ANO4: variants seen among roughly 807,000 people sequenced by gnomAD.
ANO4 encodes the protein anoctamin 4, also known as anoctamin-4.
Under a neutral mutation model 141.9 loss-of-function variants are expected in ANO4, and 69 were observed. That is an observed-to-expected ratio of 0.49 (90% CI 0.40 to 0.59). ANO4 has a LOEUF of 0.59. Among genes scored for constraint, ANO4 ranks in the 20% least tolerant of loss-of-function variants. The pLI is 0.00. For synonymous variants in ANO4, 350 were observed against 394.3 expected, an observed-to-expected ratio of 0.89 and a Z score of 1.33; for missense variants, 894 against 1,162.2, an observed-to-expected ratio of 0.77 and a Z score of 3.36.
At chr12:100,938,157 A>G (rs1001275425) in intron 3 of ANO4, among the ~76,000 whole-genome samples, 6 of 152,232 alleles carry the variant, frequency 3.9e-5, no homozygotes, top group African/African-American at 1.4e-4. Flanking sequence ...CTAAAATCAC[A>G]TGCTTGGATA....
intron 1 of ANO4, among the ~76,000 whole-genome samples, chr12:100,856,292 GA>G (rs980587600): frequency 1.6e-4 from 24 of 152,176 alleles, no homozygotes; most frequent in Admixed American, 9.2e-4. Context: ...GTGATTGGCA[GA>G]ACCCACCAGT....
At chr12:100,947,911 TG>T (rs1389792717) in intron 5 of ANO4, among the ~76,000 whole-genome samples, 1 of 152,062 alleles carries the variant, frequency 6.6e-6, no homozygotes, top group Non-Finnish European at 1.5e-5. Flanking sequence ...AGGCAGGGCA[TG>T]GTGGCTCATG....
intron 18 of ANO4, 44 bp from the exon 19 acceptor site, chr12:101,096,492 G>A: frequency 2.8e-6 from 4 of 1,453,564 alleles, no homozygotes; most frequent in South Asian, 2.3e-5. Flanking sequence ...GTTGAGAGGG[G>A]ATGAGATTCA....
At chr12:101,086,080 C>CTGTGTGTGTGTGTGTG (rs56891905) in intron 16 of ANO4, among the ~76,000 whole-genome samples, 72 of 131,804 alleles carry the variant, frequency 5.5e-4, no homozygotes, top group Non-Finnish European at 1.0e-3. Flanking sequence ...GTTAACTAGG[C>CTGTGTGTGTGTGTGTG]TGTGTGTGTG....
chr12:101,078,340 T>G (rs529868724), intron 14 of ANO4, among the ~76,000 whole-genome samples: 1 of 108,274 alleles, frequency 9.2e-6, no homozygotes, highest in African/African-American at 4.5e-5. Flanking sequence ...TGTGTCTGTA[T>G]GCATGTGTGT....
intron 18 of ANO4, among the ~76,000 whole-genome samples, 196 bp downstream of exon 18, chr12:101,094,488 C>T (rs2049902280): frequency 6.6e-6 from 1 of 152,102 alleles, no homozygotes; most frequent in Non-Finnish European, 1.5e-5. Context: ...TAAAATCTGT[C>T]ACAAACATTA....
At chr12:100,958,335 C>T (rs2043263572) in intron 5 of ANO4, among the ~76,000 whole-genome samples, 2 of 152,136 alleles carry the variant, frequency 1.3e-5, no homozygotes, top group Admixed American at 6.5e-5. Flanking sequence ...CCCTCTTTTC[C>T]CATTTCACTC....
At chr12:100,953,235 A>G (rs2043044905) in intron 5 of ANO4, among the ~76,000 whole-genome samples, 1 of 152,192 alleles carries the variant, frequency 6.6e-6, no homozygotes, top group African/African-American at 2.4e-5. Context: ...ATTGCTGAAA[A>G]TTATGCAAAG....
intron 5 of ANO4, among the ~76,000 whole-genome samples, chr12:100,970,910 G>A (rs2043906276): frequency 6.6e-6 from 1 of 152,050 alleles, no homozygotes; most frequent in Non-Finnish European, 1.5e-5. Context: ...GTAGAGACGG[G>A]GTTTCACCAT....
At chr12:100,839,405 T>C (rs573020492) in intron 1 of ANO4, among the ~76,000 whole-genome samples, 215 of 152,278 alleles carry the variant, frequency 1.4e-3, no homozygotes, top group Non-Finnish European at 2.2e-3. Flanking sequence ...AAAGAAAGTT[T>C]AGGGATACCT....
intron 9 of ANO4, among the ~76,000 whole-genome samples, chr12:101,031,541 T>G (rs1368559571): frequency 1.3e-5 from 2 of 152,166 alleles, no homozygotes; most frequent in Admixed American, 6.5e-5. Flanking sequence ...ATGCCCTCTC[T>G]CACCACTCTT....
chr12:101,002,705 G>A (rs916581711), intron 8 of ANO4, among the ~76,000 whole-genome samples: 2 of 151,990 alleles, frequency 1.3e-5, no homozygotes, highest in African/African-American at 4.8e-5. Context: ...TAGACTTCTG[G>A]GCCCATTAGC....
chr12:100,806,525 T>TG, intron 1 of ANO4, among the ~76,000 whole-genome samples: 1 of 17,718 alleles, frequency 5.6e-5, no homozygotes, highest in African/African-American at 4.1e-4. Context: ...TTTTGTTTCG[T>TG]TTTTTTTTTT....
At chr12:100,909,597 T>C (rs920451297) in intron 2 of ANO4, among the ~76,000 whole-genome samples, 4 of 152,210 alleles carry the variant, frequency 2.6e-5, no homozygotes, top group Non-Finnish European at 5.9e-5. Context: ...AACCTTATTA[T>C]GCTGAAGAGA....
intron 1 of ANO4, among the ~76,000 whole-genome samples, chr12:100,883,086 G>A (rs911459249): frequency 6.6e-6 from 1 of 152,148 alleles, no homozygotes; most frequent in Non-Finnish European, 1.5e-5. Flanking sequence ...TGCGACACAA[G>A]TATCTTGCCA....
chr12:100,996,945 C>T lies in ANO4; in HGVS notation c.734+9275C>T, dbSNP rs143942806. Among the ~76,000 whole-genome samples the T allele has an allele frequency of 1.8e-4, 27 of 152,212 alleles. No individual in the cohort carries two copies. The East Asian group carries it at 4.1e-3, about 23-fold the overall frequency. ...CCAGGGTTACACCATAGGTATATTA[C>T]AAGTCTGTGAGGGTAAGGGTAGAAT... On this transcript the variant is annotated intron_variant, in intron 8 of 27. Transcript: ENST00000392977.
chr12:100,824,231 A>G (rs868606465), intron 1 of ANO4, among the ~76,000 whole-genome samples: 1 of 152,024 alleles, frequency 6.6e-6, no homozygotes, highest in Admixed American at 6.6e-5. Flanking sequence ...TCAGTCAGTC[A>G]TGTGACTCAT....
chr12:101,007,861 A>C (rs886941094), intron 8 of ANO4, among the ~76,000 whole-genome samples: 8 of 152,174 alleles, frequency 5.3e-5, no homozygotes, highest in Non-Finnish European at 7.3e-5. Flanking sequence ...CTAGGACTAC[A>C]AGTGTGTGCC....
Position 101,111,630 on chromosome 12 carries a change from G to A in ANO4, c.2370G>A (p.Ala790=), listed in dbSNP as rs3741956. The change falls in exon 24 of 28, where the codon GCG becomes GCA. Residue 790 remains alanine (A), a synonymous_variant. Coordinates refer to ENST00000392977, the MANE Select transcript of ANO4 (RefSeq NM_001286615.2). Reference sequence around the variant, plus strand: ...TTATCACAAATGCATTTGTCATAGCGATAACATCTGACTTTATCCCTCGCT... The same window carrying A: ...TTATCACAAATGCATTTGTCATAGCAATAACATCTGACTTTATCCCTCGCT... ...LSVITNAFVI[A]ITSDFIPRLV... is the part of the protein sequence containing the mutation. The A allele has an allele frequency of 9.7e-4, 1,569 of 1,612,790 alleles. 22 individuals are homozygous for A. The East Asian group carries it at 0.033, about 33-fold the overall frequency.
Sources: gnomAD v4.1 joint callset for allele counts (sites outside exome capture counted in the v4.1 genomes callset) on GRCh38, gnomAD v4.1.1 for gene constraint, MANE v1.5 for transcripts, NCBI Gene and HGNC (gene_info 2026-07-23, HGNC 2026-07-21) for gene names.